Variants in ERC2 observed in about 807,000 individuals in gnomAD.
ERC2 encodes ERC protein 2.
Under a neutral mutation model 114.8 loss-of-function variants are expected in ERC2, and 42 were observed. The observed-to-expected ratio is 0.37, with a 90% CI of 0.29 to 0.47. The LOEUF is 0.47. Ranked by LOEUF, ERC2 falls within the 20% of genes least tolerant of loss-of-function variation. The pLI is 0.99. For synonymous variants in ERC2, 454 were observed against 425.5 expected (o/e 1.07, Z -0.82); for missense variants, 939 against 1,150.7 (o/e 0.82, Z 2.66).
Position 56,285,031 on chromosome 3 carries a change from A to T in ERC2, c.1074+10988T>A, listed in dbSNP as rs1335588956. On this transcript the variant is annotated intron_variant, in intron 3 of 17. Transcript: ENST00000288221. Reference sequence around the variant, plus strand: ...CTCTCTCACACACACACACACACACATACACACACACACACACACACACAC... The same window carrying T: ...CTCTCTCACACACACACACACACACTTACACACACACACACACACACACAC... Among the ~76,000 whole-genome samples the T allele has an allele frequency of 1.3e-4, 13 of 97,518 alleles. No individual in the cohort carries two copies. In the East Asian group the frequency reaches 3.1e-3, roughly 24 times the overall value. 64.0% of individuals were successfully genotyped at this position (97,518 alleles called of 152,430 possible). A position where few individuals can be genotyped will look rare whatever the true frequency, so the allele number is the denominator to read the frequency against.
At chr3:56,066,220 C>T (rs961701543) in intron 7 of ERC2, among the ~76,000 whole-genome samples, 3 of 152,158 alleles carry the variant, frequency 2.0e-5, no homozygotes, top group African/African-American at 7.2e-5. Context: ...TGTTTCTTGA[C>T]TTTTTAATAA....
At chr3:55,733,935 G>A (rs959408068) in intron 15 of ERC2, among the ~76,000 whole-genome samples, 5 of 152,238 alleles carry the variant, frequency 3.3e-5, no homozygotes, top group South Asian at 2.1e-4. Flanking sequence ...GTTTCATAAT[G>A]AACTCGAATC....
chr3:55,864,187 A>G (rs1050003195), intron 14 of ERC2, among the ~76,000 whole-genome samples: 2 of 138,600 alleles, frequency 1.4e-5, no homozygotes, highest in African/African-American at 2.9e-5. Context: ...ATATACACAT[A>G]TATATATACA....
chr3:55,591,918 G>A (rs1381193771), intron 17 of ERC2, among the ~76,000 whole-genome samples: 1 of 152,206 alleles, frequency 6.6e-6, no homozygotes, highest in Non-Finnish European at 1.5e-5. Flanking sequence ...AGTTATGTAT[G>A]TTTAATGCTG....
chr3:56,075,368 A>C (rs987937271), intron 7 of ERC2, among the ~76,000 whole-genome samples: 3 of 151,748 alleles, frequency 2.0e-5, no homozygotes, highest in African/African-American at 7.3e-5. Context: ...CTGACCAGAC[A>C]CTCCTGGTTA....
chr3:55,597,224 T>A (rs1430613836), intron 17 of ERC2, among the ~76,000 whole-genome samples: 2 of 151,924 alleles, frequency 1.3e-5, no homozygotes, highest in African/African-American at 4.8e-5. Flanking sequence ...ATCGAGACCA[T>A]CCTGACTAAC....
intron 7 of ERC2, among the ~76,000 whole-genome samples, chr3:56,069,173 C>T (rs1445563179): frequency 6.6e-6 from 1 of 152,026 alleles, no homozygotes; most frequent in African/African-American, 2.4e-5. Flanking sequence ...TGTGGGAAGA[C>T]TGCCATTATT....
chr3:56,365,853 G>A (rs1196903739), intron 2 of ERC2, among the ~76,000 whole-genome samples: 2 of 152,126 alleles, frequency 1.3e-5, no homozygotes, highest in Non-Finnish European at 2.9e-5. Flanking sequence ...TACTTGCTGG[G>A]GAATAAATTC....
intron 15 of ERC2, among the ~76,000 whole-genome samples, chr3:55,713,608 C>T (rs2148863853): frequency 1.3e-5 from 2 of 152,284 alleles, no homozygotes; most frequent in Admixed American, 1.3e-4. Flanking sequence ...ATTTTGTCTG[C>T]CATTGTTTTT....
intron 2 of ERC2, among the ~76,000 whole-genome samples, chr3:56,372,558 T>C (rs1184886130): frequency 2.0e-5 from 3 of 151,776 alleles, no homozygotes. Context: ...CAAAACCCCA[T>C]CTCTACAAAA....
At position 56,217,627 on chromosome 3, in the gene ERC2, G is replaced by A. The variant is rs1046590077; in HGVS notation, c.1075-44107C>T. 1.3e-5 allele frequency among the ~76,000 whole-genome samples: 2 copies of A among 151,994 alleles called. 1 individual carries two copies. The highest frequency in any genetic ancestry group is 4.8e-5 in the African/African-American group (2 of 41,376). ...TACCAATGACTTTCTTCACAGAATT[G>A]GAAAAAACTACTTTAAAGTTCATAT... is the stretch of plus-strand genomic sequence containing the variant. On this transcript the variant is annotated intron_variant, in intron 3 of 17. Coordinates refer to ENST00000288221, the MANE Select transcript of ERC2 (RefSeq NM_015576.3).
intron 3 of ERC2, among the ~76,000 whole-genome samples, chr3:56,281,537 T>C (rs1168074214): frequency 6.6e-6 from 1 of 150,992 alleles, no homozygotes; most frequent in Non-Finnish European, 1.5e-5. Context: ...TAAAGAACAG[T>C]GTGCAAGCTG....
intron 14 of ERC2, among the ~76,000 whole-genome samples, chr3:55,757,173 C>T (rs6799985): frequency 0.47 from 70,687 of 151,990 alleles, 17,690 homozygotes; most frequent in South Asian, 0.67. Flanking sequence ...AAATTATTGT[C>T]ATTTCCGGCC....
intron 7 of ERC2, among the ~76,000 whole-genome samples, chr3:56,027,796 A>C (rs1052204130): frequency 1.3e-5 from 2 of 152,186 alleles, no homozygotes; most frequent in Non-Finnish European, 2.9e-5. Context: ...TCTTTCACAG[A>C]ACAAAAGGTC....
intron 17 of ERC2, among the ~76,000 whole-genome samples, chr3:55,645,806 C>G (rs2060370748): frequency 6.6e-6 from 1 of 152,040 alleles, no homozygotes; most frequent in Non-Finnish European, 1.5e-5. Flanking sequence ...ACCTTTTAAC[C>G]ATCAACGTTG....
chr3:56,281,262 C>T (rs1456534570), intron 3 of ERC2, among the ~76,000 whole-genome samples: 1 of 150,864 alleles, frequency 6.6e-6, no homozygotes, highest in Non-Finnish European at 1.5e-5. Flanking sequence ...ACGGTGAAAC[C>T]CCGTCTCTAC....
chr3:56,224,450 T>C (rs1048093774), intron 3 of ERC2, among the ~76,000 whole-genome samples: 1 of 143,802 alleles, frequency 7.0e-6, no homozygotes, highest in Non-Finnish European at 1.6e-5. Flanking sequence ...TTCATGGTGA[T>C]GGAAATAGAG....
At chr3:55,905,081 T>C (rs1420940577) in intron 13 of ERC2, among the ~76,000 whole-genome samples, 1 of 152,184 alleles carries the variant, frequency 6.6e-6, no homozygotes, top group Non-Finnish European at 1.5e-5. Context: ...TCTTGATGTG[T>C]TTCACGTTCT....
intron 14 of ERC2, among the ~76,000 whole-genome samples, chr3:55,834,804 A>T (rs868834956): frequency 4.0e-5 from 4 of 100,682 alleles, no homozygotes; most frequent in Admixed American, 9.3e-5. Context: ...ACCCTTCAAA[A>T]CCAGGAGCTG....
Sources: gnomAD v4.1 joint callset for allele counts (sites outside exome capture counted in the v4.1 genomes callset) on GRCh38, gnomAD v4.1.1 for gene constraint, MANE v1.5 for transcripts, NCBI Gene and HGNC (gene_info 2026-07-23, HGNC 2026-07-21) for gene names.